SNX29: variants seen among roughly 807,000 people sequenced by gnomAD.
SNX29 encodes sorting nexin-29.
In SNX29, 78 loss-of-function variants were observed where a neutral mutation model predicts 102.1. The observed-to-expected ratio is 0.76, with a 90% CI of 0.64 to 0.92. The LOEUF (loss-of-function observed/expected upper bound fraction) is 0.92, where lower values mean the gene tolerates loss of function less well. Ranked by LOEUF, SNX29 falls within the 40% of genes least tolerant of loss-of-function variation. The pLI is 0.00. For missense variants in SNX29, 1,280 were observed against 1,061.7 expected (o/e 1.21, Z -2.86); for synonymous variants, 580 against 414.5 (o/e 1.40, Z -4.85).
At position 12,565,871 on chromosome 16, in the gene SNX29, C is replaced by G. The variant is rs144579489; in HGVS notation, c.2319-2635C>G. Among the ~76,000 whole-genome samples, 1,266 of 152,310 alleles carry G rather than the reference C, an allele frequency of 8.3e-3. 6 individuals are homozygous for G. Among genetic ancestry groups the G allele is most frequent in the South Asian group, 0.028 (136 of 4,818 alleles). On this transcript the variant is annotated intron_variant, in intron 20 of 20. Coordinates refer to ENST00000566228, the MANE Select transcript of SNX29 (RefSeq NM_032167.5). Reference sequence around the variant, plus strand: ...TCCGGGAAGCCCTCTGTGCCCTGCTCAGAACAACCTGAGTTCCCTCTCATT... The same window carrying G: ...TCCGGGAAGCCCTCTGTGCCCTGCTGAGAACAACCTGAGTTCCCTCTCATT...
At chr16:12,456,856 G>A (rs1283158249) in intron 18 of SNX29, among the ~76,000 whole-genome samples, 4 of 152,122 alleles carry the variant, frequency 2.6e-5, no homozygotes, top group Non-Finnish European at 5.9e-5. Flanking sequence ...CTAGGTTGAT[G>A]GGAGCTGCTC....
At chr16:12,128,727 C>T (rs1296334813) in intron 12 of SNX29, among the ~76,000 whole-genome samples, 2 of 152,208 alleles carry the variant, frequency 1.3e-5, no homozygotes, top group East Asian at 3.9e-4. Context: ...TGCTGGATTA[C>T]AGGCGTGAGC....
chr16:12,563,776 G>C (rs950077032), intron 20 of SNX29, among the ~76,000 whole-genome samples: 6 of 152,284 alleles, frequency 3.9e-5, no homozygotes, highest in Admixed American at 3.3e-4. Context: ...CTTGTCTGCC[G>C]ACCTGTCTGA....
At chr16:12,001,143 G>A (rs985335295) in intron 2 of SNX29, among the ~76,000 whole-genome samples, 3 of 152,066 alleles carry the variant, frequency 2.0e-5, no homozygotes, top group African/African-American at 7.2e-5. Flanking sequence ...ATGGAGTCTA[G>A]CTCTGTCGCC....
chr16:12,027,106 C>A (rs2057213972), intron 3 of SNX29, among the ~76,000 whole-genome samples: 1 of 152,160 alleles, frequency 6.6e-6, no homozygotes, highest in Non-Finnish European at 1.5e-5. Flanking sequence ...GTAGACTGTG[C>A]TGGGCATCCT....
intron 19 of SNX29, among the ~76,000 whole-genome samples, chr16:12,507,500 T>C (rs2089430322): frequency 6.6e-6 from 1 of 152,224 alleles, no homozygotes; most frequent in Non-Finnish European, 1.5e-5. Flanking sequence ...TTGATGTTAC[T>C]GTTTGGATGC....
At position 12,571,580 on chromosome 16, in the gene SNX29, CCTG is replaced by C; in HGVS notation, c.*2955_*2957del. The stretch of plus-strand genomic sequence containing the variant: ...ACACCGAATCCTTCTGTCTTCATGG[CCTG>C]CTGTGCTGAAACAGAACAGCAGGTT... On this transcript the variant is annotated 3_prime_UTR_variant, in exon 21 of 21. Transcript: ENST00000566228. 5.7e-6 allele frequency: 6 copies of C among 1,044,038 alleles called. No homozygotes were observed. Among genetic ancestry groups the C allele is most frequent in the Non-Finnish European group, 7.0e-6 (6 of 860,702 alleles). 64.7% of individuals were successfully genotyped at this position (1,044,038 alleles called of 1,614,324 possible). A position where few individuals can be genotyped will look rare whatever the true frequency, so the allele number is the denominator to read the frequency against.
At chr16:12,097,306 C>G (rs2052807189) in intron 11 of SNX29, among the ~76,000 whole-genome samples, 1 of 152,192 alleles carries the variant, frequency 6.6e-6, no homozygotes, top group Admixed American at 6.5e-5. Context: ...GCCGGTGGAG[C>G]TGGGTTGCAC....
At chr16:12,567,411 C>G (rs1293161437) in intron 20 of SNX29, among the ~76,000 whole-genome samples, 1 of 152,184 alleles carries the variant, frequency 6.6e-6, no homozygotes, top group Non-Finnish European at 1.5e-5. Flanking sequence ...ATTCAAATAG[C>G]GTATAGTAGG....
At chr16:12,140,411 A>C (rs766239771) in intron 13 of SNX29, among the ~76,000 whole-genome samples, 1 of 152,154 alleles carries the variant, frequency 6.6e-6, no homozygotes, top group Non-Finnish European at 1.5e-5. Context: ...CCTGGGTCCC[A>C]TTCCCCCTGG....
At chr16:12,402,252 C>T (rs12325210) in intron 17 of SNX29, among the ~76,000 whole-genome samples, 1 of 152,290 alleles carries the variant, frequency 6.6e-6, no homozygotes, top group South Asian at 2.1e-4. Flanking sequence ...CAGGAGAGAC[C>T]CATTACCTGA....
chr16:12,501,547 C>T (rs879277566), intron 19 of SNX29, among the ~76,000 whole-genome samples: 6 of 151,958 alleles, frequency 3.9e-5, no homozygotes, highest in Non-Finnish European at 7.4e-5. Context: ...CGTGAGGAAA[C>T]GTCATCTCTA....
chr16:12,198,062 T>A (rs956343161), intron 13 of SNX29, among the ~76,000 whole-genome samples: 1 of 152,178 alleles, frequency 6.6e-6, no homozygotes, highest in Admixed American at 6.5e-5. Context: ...GTGAGAGGCT[T>A]ACTGTGGTGC....
chr16:12,423,289 G>A (rs1273168659), intron 18 of SNX29, among the ~76,000 whole-genome samples: 11 of 151,992 alleles, frequency 7.2e-5, no homozygotes, highest in Admixed American at 6.6e-4. Flanking sequence ...GATCATAAGA[G>A]CTGATGACTG....
At position 12,126,831 on chromosome 16, in the gene SNX29, A is replaced by T. The variant is rs528939222; in HGVS notation, c.1466+135A>T. 71 of 852,368 alleles carry T rather than the reference A, an allele frequency of 8.3e-5. No homozygotes were observed. The South Asian group carries it at 1.1e-3, about 14-fold the overall frequency. 52.8% of individuals were successfully genotyped at this position (852,368 alleles called of 1,614,324 possible). A position where few individuals can be genotyped will look rare whatever the true frequency, so the allele number is the denominator to read the frequency against. Reference sequence around the variant, plus strand: ...GACTGGCTATTTCTTATCGTCAGGGATATGCCACTGTGGTATCTCTCTTTA... The same window carrying T: ...GACTGGCTATTTCTTATCGTCAGGGTTATGCCACTGTGGTATCTCTCTTTA... On this transcript the variant is annotated intron_variant, in intron 12 of 20. Coordinates refer to ENST00000566228, the MANE Select transcript of SNX29 (RefSeq NM_032167.5).
Position 12,003,946 on chromosome 16 carries a change from G to C in SNX29, c.122+903G>C, listed in dbSNP as rs1288570832. Among the ~76,000 whole-genome samples the C allele has an allele frequency of 1.4e-4, 21 of 152,270 alleles. 1 individual carries two copies. The stretch of plus-strand genomic sequence containing the variant: ...CGCTTGAACCCAGGCTAATTTTGGG[G>C]AAAATTAAGGGTTTAGGAGGTGGAG... On this transcript the variant is annotated intron_variant, in intron 3 of 20. Coordinates refer to ENST00000566228, the MANE Select transcript of SNX29 (RefSeq NM_032167.5).
chr16:12,073,478 G>A (rs1366006221), intron 10 of SNX29, among the ~76,000 whole-genome samples: 8 of 152,084 alleles, frequency 5.3e-5, no homozygotes, highest in East Asian at 3.8e-4. Flanking sequence ...GTAGTGGAGC[G>A]GTTTTGAGTG....
chr16:12,189,201 A>C (rs989127421), intron 13 of SNX29, among the ~76,000 whole-genome samples: 1 of 152,262 alleles, frequency 6.6e-6, no homozygotes, highest in Non-Finnish European at 1.5e-5. Flanking sequence ...TATAACAATC[A>C]GAATTAGAAA....
At chr16:12,393,381 GATTC>G (rs2083599761) in intron 16 of SNX29, among the ~76,000 whole-genome samples, 2 of 138,114 alleles carry the variant, frequency 1.4e-5, no homozygotes, top group African/African-American at 5.7e-5. Context: ...CATATCTTAT[GATTC>G]ATTCATTCAT....
Sources: allele counts gnomAD v4.1 joint callset (sites outside exome capture counted in the v4.1 genomes callset), GRCh38; gene constraint gnomAD v4.1.1; transcripts MANE v1.5; gene names NCBI Gene and HGNC (gene_info 2026-07-23, HGNC 2026-07-21).